STPG2: variants seen among roughly 807,000 people sequenced by gnomAD.
The protein encoded by STPG2 is sperm tail PG-rich repeat containing 2.
STPG2 carries 56 observed loss-of-function variants against 54.2 expected under a neutral mutation model. That is an observed-to-expected ratio of 1.03 (90% CI 0.83 to 1.29). STPG2 has a LOEUF of 1.29. Among genes scored for constraint, STPG2 ranks in the 50% most tolerant of loss-of-function variants. The pLI, the probability that STPG2 is intolerant of heterozygous loss-of-function variation, is 0.00. For missense variants in STPG2, 596 were observed against 544.9 expected (o/e 1.09, Z -0.93); for synonymous variants, 200 against 181.8 (o/e 1.10, Z -0.81).
chr4:98,105,292 T>C (rs1439649691), intron 5 of STPG2, among the ~76,000 whole-genome samples: 1 of 152,198 alleles, frequency 6.6e-6, no homozygotes, highest in Admixed American at 6.5e-5. Flanking sequence ...TTTTAACAGA[T>C]GGTGTCAGAA....
At chr4:97,500,616 G>A (rs768948238) in intron 4 of STPG2, among the ~76,000 whole-genome samples, 1 of 152,048 alleles carries the variant, frequency 6.6e-6, no homozygotes, top group African/African-American at 2.4e-5. Context: ...AGATCAGAAG[G>A]AACCAGAAAA....
intron 2 of STPG2, among the ~76,000 whole-genome samples, chr4:98,130,421 G>T (rs1248663242): frequency 6.6e-6 from 1 of 152,022 alleles, no homozygotes; most frequent in Non-Finnish European, 1.5e-5. Context: ...CAAGTGATCT[G>T]CCCCCACTTC....
At chr4:97,833,041 C>T (rs1171575642) in intron 9 of STPG2, among the ~76,000 whole-genome samples, 11 of 152,150 alleles carry the variant, frequency 7.2e-5, no homozygotes, top group South Asian at 4.2e-4. Context: ...AAAAGGAGCC[C>T]GCATTGCCAA....
chr4:97,893,630 A>G (rs531658376), intron 8 of STPG2, among the ~76,000 whole-genome samples: 1 of 152,078 alleles, frequency 6.6e-6, no homozygotes, highest in Non-Finnish European at 1.5e-5. Context: ...AAAAAAACTT[A>G]CTGCTGTCAG....
intron 8 of STPG2, among the ~76,000 whole-genome samples, chr4:97,906,597 C>G (rs969482546): frequency 2.6e-5 from 4 of 152,134 alleles, no homozygotes; most frequent in Non-Finnish European, 5.9e-5. Context: ...CCTTGATGAA[C>G]ATTGATGCAA....
chr4:97,640,312 C>T (rs1023942941), intron 10 of STPG2, among the ~76,000 whole-genome samples: 2 of 151,842 alleles, frequency 1.3e-5, no homozygotes, highest in African/African-American at 4.8e-5. Context: ...ATGCCAAAGT[C>T]AAAATGCATT....
intron 4 of STPG2, among the ~76,000 whole-genome samples, chr4:97,507,866 C>A (rs1021179022): frequency 3.3e-5 from 5 of 152,030 alleles, no homozygotes; most frequent in Non-Finnish European, 7.4e-5. Context: ...AATCAGGAAG[C>A]TCCACTGGGC....
intron 10 of STPG2, among the ~76,000 whole-genome samples, chr4:97,665,374 A>G (rs1169028319): frequency 6.6e-6 from 1 of 152,088 alleles, no homozygotes. Context: ...CTCAGAGGAG[A>G]CCAACAGTGC....
intron 9 of STPG2, among the ~76,000 whole-genome samples, chr4:97,735,922 G>C (rs1177311969): frequency 6.6e-6 from 1 of 152,046 alleles, no homozygotes; most frequent in Non-Finnish European, 1.5e-5. Flanking sequence ...CATGCAAATG[G>C]CCAATGGATA....
chr4:97,895,161 G>GTAA (rs1270722736), intron 8 of STPG2, among the ~76,000 whole-genome samples: 14 of 151,640 alleles, frequency 9.2e-5, no homozygotes, highest in Non-Finnish European at 3.0e-5. Context: ...TGATGACACG[G>GTAA]TAATAATAAT....
intron 9 of STPG2, among the ~76,000 whole-genome samples, chr4:97,750,101 T>C (rs1172088751): frequency 6.6e-6 from 1 of 151,894 alleles, no homozygotes; most frequent in East Asian, 1.9e-4. Context: ...AAGAATTATA[T>C]TTTAAATCCA....
chr4:97,716,657 C>G (rs1724297015), intron 9 of STPG2, among the ~76,000 whole-genome samples: 1 of 147,372 alleles, frequency 6.8e-6, no homozygotes, highest in Non-Finnish European at 1.5e-5. Context: ...AATGAGAACA[C>G]ATGGACACAG....
intron 9 of STPG2, among the ~76,000 whole-genome samples, chr4:97,761,134 C>T (rs1057439162): frequency 1.3e-5 from 2 of 152,174 alleles, no homozygotes; most frequent in African/African-American, 2.4e-5. Flanking sequence ...TTAATTATCC[C>T]TTGCCTTATA....
intron 10 of STPG2, among the ~76,000 whole-genome samples, chr4:97,562,072 A>T (rs1030854669): frequency 1.3e-4 from 20 of 152,280 alleles, no homozygotes; most frequent in Admixed American, 7.2e-4. Flanking sequence ...CCTACTCATG[A>T]GCATGGAATG....
chr4:98,102,210 A>G (rs1322976079), intron 5 of STPG2, among the ~76,000 whole-genome samples: 1 of 152,178 alleles, frequency 6.6e-6, no homozygotes, highest in African/African-American at 2.4e-5. Context: ...CACCAGAACA[A>G]CATAGGTTAT....
intron 8 of STPG2, among the ~76,000 whole-genome samples, chr4:97,886,851 C>T (rs902740891): frequency 6.6e-6 from 1 of 152,146 alleles, no homozygotes; most frequent in Non-Finnish European, 1.5e-5. Flanking sequence ...AACGCTTTAG[C>T]GCCATCCCCT....
At chr4:97,818,777 T>C (rs1324979835) in intron 9 of STPG2, among the ~76,000 whole-genome samples, 2 of 151,804 alleles carry the variant, frequency 1.3e-5, no homozygotes, top group South Asian at 2.1e-4. Flanking sequence ...TTCAGTTCTT[T>C]AGAAGTACTC....
At chr4:97,549,620 A>C (rs1239581802) in intron 4 of STPG2, among the ~76,000 whole-genome samples, 2 of 152,294 alleles carry the variant, frequency 1.3e-5, no homozygotes, top group East Asian at 3.9e-4. Context: ...GCATTTCAAG[A>C]AGAAATGACG....
chr4:98,125,438 G>T (rs2110159469), intron 3 of STPG2, among the ~76,000 whole-genome samples: 1 of 152,260 alleles, frequency 6.6e-6, no homozygotes, highest in East Asian at 1.9e-4. Context: ...CTGTAGGGCT[G>T]CAGTTTTCTG....
Sources: allele counts gnomAD v4.1 joint callset (sites outside exome capture counted in the v4.1 genomes callset), GRCh38; gene constraint gnomAD v4.1.1; transcripts MANE v1.5; gene names NCBI Gene and HGNC (gene_info 2026-07-23, HGNC 2026-07-21).